PCDHA8: variants seen among roughly 807,000 people sequenced by gnomAD.
PCDHA8 encodes protocadherin alpha-8.
A neutral mutation model predicts 61.8 loss-of-function variants in PCDHA8; 53 were observed. The observed-to-expected ratio is 0.86, with a 90% confidence interval of 0.69 to 1.08. The LOEUF (loss-of-function observed/expected upper bound fraction) is 1.08, where lower values mean the gene tolerates loss of function less well. Among genes scored for constraint, PCDHA8 ranks in the 50% least tolerant of loss-of-function variants. The pLI is 0.00. For missense variants in PCDHA8, 1,293 were observed against 1,245.0 expected, an observed-to-expected ratio of 1.04 and a Z score of -0.58; for synonymous variants, 618 against 556.6, an observed-to-expected ratio of 1.11 and a Z score of -1.55.
At chr5:140,889,042 A>G (rs1395605890) in intron 1 of PCDHA8, among the ~76,000 whole-genome samples, 1 of 152,046 alleles carries the variant, frequency 6.6e-6, no homozygotes, top group African/African-American at 2.4e-5. Context: ...ATTTGATTAT[A>G]ATTTATAATC....
chr5:140,871,044 A>G, intron 1 of PCDHA8: 1 of 1,613,304 alleles, frequency 6.2e-7, no homozygotes, highest in Non-Finnish European at 8.5e-7. Flanking sequence ...ACCGACTTCT[A>G]GTACTGGTGA....
intron 1 of PCDHA8, among the ~76,000 whole-genome samples, chr5:140,894,053 T>C (rs782239740): frequency 2.4e-4 from 37 of 152,336 alleles, no homozygotes; most frequent in Non-Finnish European, 5.1e-4. Context: ...CTCTGTTGAA[T>C]TGATTTTTAA....
In PCDHA8 at chr5:140,876,715, C is replaced by G. The variant is rs570565884; in HGVS notation, c.2394+33000C>G. 3.1e-5 allele frequency: 50 copies of G among 1,614,234 alleles called. No homozygotes were observed. The highest frequency in any genetic ancestry group is 3.3e-4 in the Middle Eastern group (2 of 6,062). On this transcript the variant is annotated intron_variant, in intron 1 of 3. Coordinates refer to ENST00000531613, the MANE Select transcript of PCDHA8 (RefSeq NM_018911.3). ...GTTGGTGCTGGACAGCGCCCTGGAC[C>G]GCGAGAGCGTGTCGGCCTATGAGCT...
intron 1 of PCDHA8, among the ~76,000 whole-genome samples, chr5:140,905,012 C>A (rs1335177928): frequency 6.6e-6 from 1 of 152,054 alleles, no homozygotes; most frequent in Non-Finnish European, 1.5e-5. Context: ...TTTGCTAATT[C>A]TTTTCTATGC....
chr5:140,905,019 A>C (rs1000367022), intron 1 of PCDHA8, among the ~76,000 whole-genome samples: 23 of 152,044 alleles, frequency 1.5e-4, no homozygotes, highest in African/African-American at 5.6e-4. Context: ...ATTCTTTTCT[A>C]TGCAGAAGCT....
intron 1 of PCDHA8, among the ~76,000 whole-genome samples, chr5:140,961,888 T>G (rs1361187779): frequency 4.0e-5 from 5 of 124,944 alleles, no homozygotes; most frequent in Non-Finnish European, 7.9e-5. Context: ...CTTACATCAG[T>G]TTTTTTTTTT....
intron 1 of PCDHA8, among the ~76,000 whole-genome samples, chr5:140,890,373 T>A (rs868994302): frequency 2.4e-4 from 37 of 152,196 alleles, no homozygotes; most frequent in African/African-American, 7.5e-4. Context: ...CCTGAACAAG[T>A]ACTCTTTCTT....
At chr5:140,971,958 C>CT (rs1176007834) in intron 1 of PCDHA8, among the ~76,000 whole-genome samples, 3 of 152,054 alleles carry the variant, frequency 2.0e-5, no homozygotes, top group African/African-American at 4.8e-5. Context: ...ACTCCAAAAA[C>CT]TTTTTTTCAA....
intron 1 of PCDHA8, chr5:140,968,416 G>A: frequency 1.2e-6 from 2 of 1,613,992 alleles, no homozygotes; most frequent in Non-Finnish European, 1.7e-6. Context: ...TGACTGTGGA[G>A]GCTCAGGACA....
At chr5:140,874,926 A>C (rs1282020251) in intron 1 of PCDHA8, among the ~76,000 whole-genome samples, 1 of 152,228 alleles carries the variant, frequency 6.6e-6, no homozygotes, top group Non-Finnish European at 1.5e-5. Flanking sequence ...GTGAAGGTTA[A>C]AAGTTATTGA....
chr5:140,925,172 C>T (rs1176049315), intron 1 of PCDHA8, among the ~76,000 whole-genome samples: 2 of 151,994 alleles, frequency 1.3e-5, no homozygotes, highest in Admixed American at 6.6e-5. Context: ...TGTAATTGAC[C>T]CCAATGTACC....
At chr5:140,910,682 C>G (rs1280217836) in intron 1 of PCDHA8, among the ~76,000 whole-genome samples, 2 of 152,198 alleles carry the variant, frequency 1.3e-5, no homozygotes, top group East Asian at 3.8e-4. Flanking sequence ...GGAGATCAGG[C>G]ATTTCCAGCT....
intron 3 of PCDHA8, among the ~76,000 whole-genome samples, chr5:141,000,919 A>AT (rs2097975024): frequency 6.6e-6 from 1 of 152,134 alleles, no homozygotes; most frequent in Non-Finnish European, 1.5e-5. Flanking sequence ...AAAAAAAAAA[A>AT]TCCTGTGTGA....
intron 3 of PCDHA8, among the ~76,000 whole-genome samples, chr5:141,007,395 C>CAAAAAAAAAAAAAAAA (rs35800918): frequency 3.2e-5 from 3 of 94,864 alleles, no homozygotes; most frequent in Non-Finnish European, 4.1e-5. Flanking sequence ...TACTAAAATA[C>CAAAAAAAAAAAAAAAA]AAAAAAAAAA....
At chr5:140,903,500 G>C (rs553764100) in intron 1 of PCDHA8, among the ~76,000 whole-genome samples, 5 of 152,184 alleles carry the variant, frequency 3.3e-5, no homozygotes, top group Non-Finnish European at 7.3e-5. Flanking sequence ...AGGTACCATA[G>C]ATAATAGTTC....
At chr5:140,955,187 T>C (rs1230644276) in intron 1 of PCDHA8, among the ~76,000 whole-genome samples, 1 of 152,198 alleles carries the variant, frequency 6.6e-6, no homozygotes, top group Non-Finnish European at 1.5e-5. Flanking sequence ...TTTTGTGGTG[T>C]ATATGAAGTC....
At chr5:140,988,482 C>T (rs1017365611) in intron 3 of PCDHA8, among the ~76,000 whole-genome samples, 1 of 152,152 alleles carries the variant, frequency 6.6e-6, no homozygotes, top group Non-Finnish European at 1.5e-5. Flanking sequence ...GAATTAGCAT[C>T]CCCTACCTAG....
At chr5:140,899,402 G>C (rs1465071147) in intron 1 of PCDHA8, among the ~76,000 whole-genome samples, 20 of 152,122 alleles carry the variant, frequency 1.3e-4, no homozygotes, top group East Asian at 7.7e-4. Flanking sequence ...TAGCATGAAG[G>C]GTTGTTGAAT....
chr5:140,895,021 G>T (rs956122734), intron 1 of PCDHA8, among the ~76,000 whole-genome samples: 3 of 151,838 alleles, frequency 2.0e-5, no homozygotes, highest in Non-Finnish European at 4.4e-5. Context: ...TTTTTCCTTT[G>T]TTTAATTGTC....
Sources: gnomAD v4.1 joint callset for allele counts (sites outside exome capture counted in the v4.1 genomes callset) on GRCh38, gnomAD v4.1.1 for gene constraint, MANE v1.5 for transcripts, NCBI Gene and HGNC (gene_info 2026-07-23, HGNC 2026-07-21) for gene names.